SNAP91: variants seen among roughly 807,000 people sequenced by gnomAD.
SNAP91 encodes the protein synaptosome associated protein 91.
In SNAP91, 27 loss-of-function variants were observed where a neutral mutation model predicts 100.3. That is an observed-to-expected ratio of 0.27 (90% confidence interval 0.20 to 0.37). The LOEUF (loss-of-function observed/expected upper bound fraction) is 0.37, where lower values mean the gene tolerates loss of function less well. SNAP91 is among the 10% of genes least tolerant of loss of function. The pLI, the probability that SNAP91 is intolerant of heterozygous loss-of-function variation, is 1.00. For missense variants in SNAP91, 986 were observed against 1,123.7 expected (o/e 0.88, Z 1.75); for synonymous variants, 404 against 398.6 (o/e 1.01, Z -0.16).
chr6:83,649,744 C>CTT lies in SNAP91; in HGVS notation c.658+7008_658+7009dup, dbSNP rs548434468. Among the ~76,000 whole-genome samples, 22 of 137,590 alleles carry CTT rather than the reference C, an allele frequency of 1.6e-4. No individual in the cohort carries two copies. In the South Asian group the frequency reaches 3.3e-3, roughly 21 times the overall value. 90.3% of individuals were successfully genotyped at this position (137,590 alleles called of 152,430 possible). A position where few individuals can be genotyped will look rare whatever the true frequency, so the allele number is the denominator to read the frequency against. Reference sequence around the variant, plus strand: ...TATAGACATGAGCCACCATGCCTGGCTTTTTTTTTTTTTTCGTTATTTTTA... The same window carrying CTT: ...TATAGACATGAGCCACCATGCCTGGCTTTTTTTTTTTTTTTTCGTTATTTTTA... On this transcript the variant is annotated intron_variant, in intron 7 of 29. Transcript: ENST00000369694.
rs2097683815 is a variant in SNAP91, at chr6:83,641,136, G to C, written c.725C>G (p.Thr242Ser). 2 of 1,546,760 alleles carry C rather than the reference G, an allele frequency of 1.3e-6. No individual in the cohort carries two copies. The highest frequency in any genetic ancestry group is 1.7e-6 in the Non-Finnish European group (2 of 1,148,668). Residue 242 changes from threonine (T) to serine (S), a missense_variant, in exon 8 of 30, where the codon ACT becomes AGT. Thr to Ser is a moderately conservative substitution (Grantham distance 58). Transcript: ENST00000369694. ...AAATTCAGACACTCGTGTCATTCTA[G>C]TTAGAAATCGTTTGTAAATTTCTAG... is the stretch of plus-strand genomic sequence containing the variant. ...DALEIYKRFL[T>S]RMTRVSEFLK...
rs1326787653 is a variant in SNAP91 at position 83,552,928 on chromosome 6, G to A, written c.*1368C>T. On this transcript the variant is annotated 3_prime_UTR_variant, in exon 30 of 30. Coordinates refer to ENST00000369694, the MANE Select transcript of SNAP91 (RefSeq NM_001242792.2). ...AGGTGTTTATTGCATCTCAGAGGGC[G>A]TACATGCACTGGGTTTTTAAACTGA... The A allele has an allele frequency of 6.6e-6, 1 of 152,568 alleles. No individual in the cohort carries two copies. Among genetic ancestry groups the A allele is most frequent in the African/African-American group, 2.4e-5 (1 of 41,420 alleles). The allele number at this position is 152,568 out of a possible 1,614,324, so 9.5% of individuals were successfully genotyped here.
At chr6:83,604,460 A>G (rs888043679) in intron 14 of SNAP91, among the ~76,000 whole-genome samples, 1 of 152,174 alleles carries the variant, frequency 6.6e-6, no homozygotes, top group Non-Finnish European at 1.5e-5. Flanking sequence ...TATAGTTAGC[A>G]ACATTATTTC....
rs765479981 is a variant in SNAP91 at position 83,593,247 on chromosome 6, G to C, written c.1709C>G (p.Ser570Cys). ...AGGCGCTGCAGCAACTTCAGGAGTG[G>C]ACTCAAATAAATCTAAGACCAAGAA... Reference protein sequence around the residue: ...ALDIFGDLFESTPEVAAAPKP... With the variant: ...ALDIFGDLFECTPEVAAAPKP... The change falls in exon 19 of 30, where the codon TCC becomes TGC. Residue 570 changes from serine to cysteine, a missense_variant. Physicochemically the swap from Ser to Cys is moderately radical, Grantham distance 112. This residue lies in a region of SNAP91 where 575 missense variants were observed against 579.9 expected (regional missense o/e 0.99). Coordinates refer to ENST00000369694, the MANE Select transcript of SNAP91 (RefSeq NM_001242792.2). 6.3e-7 allele frequency: 1 copy of C among 1,591,588 alleles called. No individual in the cohort carries two copies. The highest frequency in any genetic ancestry group is 1.8e-5 in the Admixed American group (1 of 56,760).
intron 28 of SNAP91, among the ~76,000 whole-genome samples, chr6:83,558,773 T>C (rs959858370): frequency 6.6e-6 from 1 of 152,198 alleles, no homozygotes. Context: ...TTTGCTCTAG[T>C]TTGTAAAGCA....
chr6:83,594,837 T>A (rs975145975), intron 16 of SNAP91, among the ~76,000 whole-genome samples: 4 of 152,200 alleles, frequency 2.6e-5, no homozygotes, highest in Admixed American at 6.5e-5. Flanking sequence ...TTTAAGACAT[T>A]AAACTTTCAT....
rs144598755 is a variant in SNAP91 at position 83,578,837 on chromosome 6, A to G, written c.2299+1613T>C. ...TCTCAGGTCATAAAGATTTACTCCT[A>G]TGTTTTCTTCTAAAAGTTGCGTAGA... On this transcript the variant is annotated intron_variant, in intron 24 of 29. Transcript: ENST00000369694. 8.5e-3 allele frequency among the ~76,000 whole-genome samples: 1,298 copies of G among 152,256 alleles called. 15 individuals are homozygous for G. The highest frequency in any genetic ancestry group is 0.029 in the African/African-American group (1,210 of 41,544).
chr6:83,578,254 T>C (rs1369629825), intron 24 of SNAP91, among the ~76,000 whole-genome samples: 1 of 152,168 alleles, frequency 6.6e-6, no homozygotes, highest in African/African-American at 2.4e-5. Context: ...TGCTGAGTCA[T>C]ACGATAATCT....
chr6:83,653,881 G>A (rs992598746), intron 7 of SNAP91, among the ~76,000 whole-genome samples: 1 of 152,140 alleles, frequency 6.6e-6, no homozygotes, highest in Non-Finnish European at 1.5e-5. Flanking sequence ...GTGGGCTGGA[G>A]TTGGGTATTT....
chr6:83,628,654 C>T lies in SNAP91; in HGVS notation c.766-5312G>A, dbSNP rs546274036. Among the ~76,000 whole-genome samples the T allele has an allele frequency of 2.0e-5, 3 of 151,832 alleles. No homozygotes were observed. The East Asian group carries it at 5.8e-4, about 29-fold the overall frequency. On this transcript the variant is annotated intron_variant, in intron 8 of 29. Transcript: ENST00000369694. ...AAGCATTTTTTCTTATGTCTGTTGGCCATTTGTGTATCTTCTTTTGAGAAC... is the reference window on the plus strand; with the variant it reads ...AAGCATTTTTTCTTATGTCTGTTGGTCATTTGTGTATCTTCTTTTGAGAAC...
At chr6:83,645,478 T>C (rs1382533175) in intron 7 of SNAP91, among the ~76,000 whole-genome samples, 1 of 152,158 alleles carries the variant, frequency 6.6e-6, no homozygotes, top group East Asian at 1.9e-4. Context: ...CTTGGTGTTG[T>C]ACATTCTATG....
chr6:83,580,432 A>G lies in SNAP91; in HGVS notation c.2299+18T>C, dbSNP rs544688371. On this transcript the variant is annotated intron_variant, in intron 24 of 29. Coordinates refer to ENST00000369694, the MANE Select transcript of SNAP91 (RefSeq NM_001242792.2). ...TATGCTTCAGTTAAAGAAAAAAAAA[A>G]AAAACTAGATTACTCACTGCCTACT... is the stretch of plus-strand genomic sequence containing the variant. 6.3e-7 allele frequency: 1 copy of G among 1,579,798 alleles called. No homozygotes were observed. Among genetic ancestry groups the G allele is most frequent in the Admixed American group, 2.0e-5 (1 of 49,672 alleles).
chr6:83,557,049 T>C (rs1779925182), intron 28 of SNAP91, among the ~76,000 whole-genome samples: 1 of 152,196 alleles, frequency 6.6e-6, no homozygotes, highest in African/African-American at 2.4e-5. Context: ...AAGTAACAAA[T>C]AATTAACTTG....
chr6:83,610,374 C>T (rs532108210), intron 12 of SNAP91, among the ~76,000 whole-genome samples: 20 of 151,566 alleles, frequency 1.3e-4, no homozygotes, highest in African/African-American at 4.8e-4. Flanking sequence ...ATTCTATATG[C>T]GCTCACATAT....
chr6:83,640,629 T>C (rs2097657392), intron 8 of SNAP91, among the ~76,000 whole-genome samples: 1 of 152,140 alleles, frequency 6.6e-6, no homozygotes, highest in Non-Finnish European at 1.5e-5. Flanking sequence ...TAAAACAAAT[T>C]ATGCTTTCTG....
intron 2 of SNAP91, among the ~76,000 whole-genome samples, chr6:83,669,794 G>T (rs540792505): frequency 6.6e-6 from 1 of 152,022 alleles, no homozygotes; most frequent in South Asian, 2.1e-4. Flanking sequence ...ATTACTTTGA[G>T]ATTTATCCAT....
At chr6:83,687,621 C>A (rs2099077451) in intron 2 of SNAP91, among the ~76,000 whole-genome samples, 1 of 152,074 alleles carries the variant, frequency 6.6e-6, no homozygotes, top group Admixed American at 6.6e-5. Context: ...GGGTTACTAG[C>A]ATAGCAGTGC....
intron 7 of SNAP91, among the ~76,000 whole-genome samples, chr6:83,656,525 G>T (rs891997245): frequency 3.3e-5 from 5 of 152,120 alleles, no homozygotes; most frequent in African/African-American, 1.2e-4. Flanking sequence ...TACTAGGGGT[G>T]GTTAGCAGCA....
intron 26 of SNAP91, among the ~76,000 whole-genome samples, chr6:83,574,146 A>G (rs1035769668): frequency 6.6e-6 from 1 of 152,190 alleles, no homozygotes; most frequent in Non-Finnish European, 1.5e-5. Context: ...ACATCAAGAA[A>G]GCCTTAGAGA....
Sources: allele counts gnomAD v4.1 joint callset (sites outside exome capture counted in the v4.1 genomes callset), GRCh38; gene constraint gnomAD v4.1.1; regional missense constraint gnomAD v4.1.1; transcripts MANE v1.5; gene names NCBI Gene and HGNC (gene_info 2026-07-23, HGNC 2026-07-21).